Variants in GNG12 observed in about 807,000 individuals in gnomAD.
The protein encoded by GNG12 is guanine nucleotide-binding protein G(I)/G(S)/G(O) subunit gamma-12.
For synonymous variants in GNG12, 28 were observed against 29.7 expected (o/e 0.94, Z 0.19); for missense variants, 69 against 83.8 (o/e 0.82, Z 0.69).
chr1:67,798,694 G>T (rs779830444), intron 1 of GNG12, among the ~76,000 whole-genome samples: 1 of 151,990 alleles, frequency 6.6e-6, no homozygotes, highest in Admixed American at 6.6e-5. Context: ...GGTGACCCAC[G>T]CCTGTAATCC....
intron 2 of GNG12, among the ~76,000 whole-genome samples, chr1:67,747,389 G>T (rs1308870038): frequency 2.6e-5 from 4 of 152,112 alleles, no homozygotes; most frequent in Non-Finnish European, 5.9e-5. Flanking sequence ...GGAAGTGCTG[G>T]GATTACAGGC....
intron 1 of GNG12, among the ~76,000 whole-genome samples, chr1:67,806,527 G>A (rs967555740): frequency 1.1e-4 from 16 of 150,642 alleles, no homozygotes; most frequent in South Asian, 8.3e-4. Context: ...TTGGTTACAT[G>A]CAGGGCAGAG....
chr1:67,717,736 C>A (rs999211753), intron 2 of GNG12, among the ~76,000 whole-genome samples: 1 of 152,182 alleles, frequency 6.6e-6, no homozygotes, highest in Non-Finnish European at 1.5e-5. Flanking sequence ...ATCAGTGATG[C>A]TAGACTCTCC....
chr1:67,786,545 A>G (rs567902767), intron 1 of GNG12, among the ~76,000 whole-genome samples: 7 of 152,264 alleles, frequency 4.6e-5, no homozygotes, highest in South Asian at 4.1e-4. Context: ...CTCTTCCACC[A>G]TCCTGCTGCT....
chr1:67,825,799 A>G (rs921740575), intron 1 of GNG12, among the ~76,000 whole-genome samples: 6 of 152,154 alleles, frequency 3.9e-5, no homozygotes, highest in African/African-American at 1.4e-4. Context: ...TCCCTGCACC[A>G]GGCCAACTAC....
intron 2 of GNG12, among the ~76,000 whole-genome samples, chr1:67,764,015 T>C (rs576784334): frequency 4.6e-5 from 7 of 152,322 alleles, no homozygotes; most frequent in Middle Eastern, 3.4e-3. Context: ...ATTGCTCCTG[T>C]CATGCCTCTG....
At chr1:67,776,060 C>T (rs536912098) in intron 2 of GNG12, among the ~76,000 whole-genome samples, 10 of 152,114 alleles carry the variant, frequency 6.6e-5, no homozygotes, top group East Asian at 1.9e-4. Context: ...TGAGGAGTAA[C>T]GTCCTGAAAG....
intron 2 of GNG12, among the ~76,000 whole-genome samples, chr1:67,736,423 A>G (rs1160821476): frequency 1.3e-5 from 2 of 152,198 alleles, no homozygotes; most frequent in African/African-American, 2.4e-5. Flanking sequence ...ACAGCACCTG[A>G]AACAATTTGC....
intron 2 of GNG12, among the ~76,000 whole-genome samples, chr1:67,763,411 T>C (rs909298307): frequency 6.6e-6 from 1 of 152,210 alleles, no homozygotes; most frequent in African/African-American, 2.4e-5. Flanking sequence ...TATTAATATT[T>C]AAGAGTAAGT....
chr1:67,806,726 C>T (rs1466946501), intron 1 of GNG12, among the ~76,000 whole-genome samples: 1 of 152,100 alleles, frequency 6.6e-6, no homozygotes, highest in East Asian at 1.9e-4. Context: ...TTCTCCAATA[C>T]AACATAACAA....
At position 67,833,366 on chromosome 1, in the gene GNG12, G is replaced by A; in HGVS notation, c.-99C>T. ...CACCCGCCTGCCGGTGCGCTGCCCC[G>A]CCGTCGCCGCCGGGACTCGGTCTCT... is the stretch of plus-strand genomic sequence containing the variant. On this transcript the variant is annotated 5_prime_UTR_variant, in exon 1 of 4. Coordinates refer to ENST00000370982, the MANE Select transcript of GNG12 (RefSeq NM_018841.6). 1 of 985,092 alleles carries A rather than the reference G, an allele frequency of 1.0e-6. No homozygotes were observed. Among genetic ancestry groups the A allele is most frequent in the Non-Finnish European group, 1.2e-6 (1 of 829,652 alleles). 61.0% of individuals were successfully genotyped at this position (985,092 alleles called of 1,614,324 possible).
intron 1 of GNG12, among the ~76,000 whole-genome samples, chr1:67,796,234 G>T (rs907634746): frequency 6.6e-6 from 1 of 152,144 alleles, no homozygotes; most frequent in Admixed American, 6.5e-5. Context: ...ATTATCCCCA[G>T]TGTCTGAATG....
chr1:67,783,018 C>A (rs1255990687), intron 1 of GNG12, among the ~76,000 whole-genome samples: 9 of 152,278 alleles, frequency 5.9e-5, no homozygotes, highest in African/African-American at 2.2e-4. Context: ...CAATTTATCT[C>A]TAGTCCTCAA....
At chr1:67,825,482 A>C (rs1647006019) in intron 1 of GNG12, among the ~76,000 whole-genome samples, 1 of 152,208 alleles carries the variant, frequency 6.6e-6, no homozygotes, top group Non-Finnish European at 1.5e-5. Context: ...AGCCAGGAGA[A>C]GGAAGTTGAT....
chr1:67,726,449 G>C (rs906120167), intron 2 of GNG12, among the ~76,000 whole-genome samples: 1 of 152,176 alleles, frequency 6.6e-6, no homozygotes, highest in Non-Finnish European at 1.5e-5. Flanking sequence ...CATATGCCTT[G>C]GGTTGGGCAC....
At chr1:67,830,503 C>T (rs566845863) in intron 1 of GNG12, among the ~76,000 whole-genome samples, 1 of 152,192 alleles carries the variant, frequency 6.6e-6, no homozygotes, top group Non-Finnish European at 1.5e-5. Context: ...AACCGGATAC[C>T]CTTGGGTCAC....
At chr1:67,830,976 C>A (rs528485430) in intron 1 of GNG12, among the ~76,000 whole-genome samples, 1 of 152,216 alleles carries the variant, frequency 6.6e-6, no homozygotes, top group African/African-American at 2.4e-5. Context: ...CATATACTTT[C>A]TGTAAAGCCC....
At chr1:67,755,101 C>T (rs115606794) in intron 2 of GNG12, among the ~76,000 whole-genome samples, 3,617 of 152,278 alleles carry the variant, frequency 0.024, 154 homozygotes, top group African/African-American at 0.083. Flanking sequence ...TTTATCTGTC[C>T]GCCTTGGCGT....
At chr1:67,827,880 A>C (rs1570580844) in intron 1 of GNG12, among the ~76,000 whole-genome samples, 1 of 152,322 alleles carries the variant, frequency 6.6e-6, no homozygotes, top group East Asian at 1.9e-4. Flanking sequence ...CAAACACTTA[A>C]GTGACATCAG....
Sources: allele counts gnomAD v4.1 joint callset (sites outside exome capture counted in the v4.1 genomes callset), GRCh38; gene constraint gnomAD v4.1.1; transcripts MANE v1.5; gene names NCBI Gene and HGNC (gene_info 2026-07-23, HGNC 2026-07-21).